Variants in ANKRD37 observed in about 807,000 individuals in gnomAD.
The protein encoded by ANKRD37 is ankyrin repeat domain-containing protein 37.
A neutral mutation model predicts 19.7 loss-of-function variants in ANKRD37; 17 were observed. That is an observed-to-expected ratio of 0.86 (90% CI 0.59 to 1.29). The LOEUF is 1.29. Among genes scored for constraint, ANKRD37 ranks in the 50% most tolerant of loss-of-function variants. The pLI, the probability that ANKRD37 is intolerant of heterozygous loss-of-function variation, is 0.00. For synonymous variants in ANKRD37, 79 were observed against 74.5 expected (o/e 1.06, Z -0.31); for missense variants, 207 against 190.4 (o/e 1.09, Z -0.51).
intron 3 of ANKRD37, among the ~76,000 whole-genome samples, chr4:185,399,297 T>C (rs1580041294): frequency 6.6e-6 from 1 of 152,316 alleles, no homozygotes; most frequent in East Asian, 1.9e-4. Flanking sequence ...AAACCCATTC[T>C]ATAGTTCCCA....
intron 4 of ANKRD37, 105 bp downstream of exon 4, chr4:185,399,878 GTTTCA>G: frequency 6.5e-7 from 1 of 1,547,890 alleles, no homozygotes; most frequent in Non-Finnish European, 8.7e-7. Context: ...TAGTAGTATT[GTTTCA>G]TTCTCATTAA....
intron 1 of ANKRD37, 92 bp from the exon 2 acceptor site, chr4:185,397,058 G>A: frequency 1.2e-6 from 2 of 1,610,584 alleles, no homozygotes; most frequent in Non-Finnish European, 1.7e-6. Flanking sequence ...CCTGGTCAGA[G>A]CTGGTTGTGA....
In ANKRD37 at chr4:185,397,188, G is replaced by T. The variant is rs757490519; in HGVS notation, c.66G>T (p.Ser22=). ...GLKHLLETGA[S]VNAPPDPCKQ... ...AGCATTTGCTGGAGACAGGGGCCTC[G>T]GTCAACGCACCCCCGGATCCCTGCA... Residue 22 remains serine, a synonymous_variant, in exon 2 of 5, where the codon TCG becomes TCT. Coordinates refer to ENST00000335174, the MANE Select transcript of ANKRD37 (RefSeq NM_181726.4). 1 of 1,613,816 alleles carries T rather than the reference G, an allele frequency of 6.2e-7. No individual in the cohort carries two copies. The highest frequency in any genetic ancestry group is 2.2e-5 in the East Asian group (1 of 44,876).
intron 2 of ANKRD37, 184 bp downstream of exon 2, chr4:185,397,486 A>G (rs547867139): frequency 5.0e-6 from 4 of 804,912 alleles, no homozygotes; most frequent in South Asian, 2.5e-5. Context: ...ATGTGAGGAC[A>G]TGAGAAATTT....
chr4:185,400,111 TCTC>T lies in ANKRD37; in HGVS notation c.*97_*99del, dbSNP rs1411538777. ...TGGCTTTACCATATGTTGTGTCTAATCTCCTTCTGAGAAGGACGAAAAACTTTC... is the reference window on the plus strand; with the variant it reads ...TGGCTTTACCATATGTTGTGTCTAATCTTCTGAGAAGGACGAAAAACTTTC... On this transcript the variant is annotated 3_prime_UTR_variant, in exon 5 of 5. Transcript: ENST00000335174. The T allele has an allele frequency of 4.1e-6, 5 of 1,223,604 alleles. No homozygotes were observed. The highest frequency in any genetic ancestry group is 1.5e-5 in the African/African-American group (1 of 65,420). 75.8% of individuals were successfully genotyped at this position (1,223,604 alleles called of 1,614,324 possible).
intron 3 of ANKRD37, among the ~76,000 whole-genome samples, chr4:185,399,290 C>T (rs1038442975): frequency 1.3e-5 from 2 of 152,098 alleles, no homozygotes; most frequent in Non-Finnish European, 2.9e-5. Flanking sequence ...TTCAGGAAAA[C>T]CCATTCTATA....
intron 2 of ANKRD37, among the ~76,000 whole-genome samples, chr4:185,398,119 G>A (rs1172200092): frequency 1.3e-5 from 2 of 151,916 alleles, no homozygotes; most frequent in African/African-American, 4.8e-5. Flanking sequence ...CACCGTGCCC[G>A]GCTAATTTGT....
intron 1 of ANKRD37, 34 bp from the exon 2 acceptor site, chr4:185,397,116 T>A (rs1232231727): frequency 1.7e-5 from 27 of 1,611,180 alleles, no homozygotes; most frequent in African/African-American, 2.7e-5. Flanking sequence ...TGGACAAAGG[T>A]GGGAAGGGTG....
At chr4:185,399,797 T>G (rs2095510994) in intron 4 of ANKRD37, 24 bp downstream of exon 4, 1 of 1,613,216 alleles carries the variant, frequency 6.2e-7, no homozygotes, top group Admixed American at 1.7e-5. Flanking sequence ...AGCTGCTGCT[T>G]TTTTCCTCCC....
chr4:185,397,350 C>T, intron 2 of ANKRD37, 48 bp downstream of exon 2: 1 of 1,586,370 alleles, frequency 6.3e-7, no homozygotes, highest in Non-Finnish European at 8.6e-7. Context: ...CCAACCCAGA[C>T]ACACACAAAC....
downstream of ANKRD37, chr4:185,400,371 A>G (rs746270480): frequency 5.8e-6 from 9 of 1,547,620 alleles, no homozygotes; most frequent in East Asian, 9.0e-5. Context: ...ACTCTACTGC[A>G]GTCTTTGACT....
chr4:185,399,592 A>G lies in ANKRD37; in HGVS notation c.295A>G (p.Thr99Ala). 6.2e-7 allele frequency: 1 copy of G among 1,614,204 alleles called. No individual in the cohort carries two copies. The highest frequency in any genetic ancestry group is 1.1e-5 in the South Asian group (1 of 91,086). ...QIDLCNKNGQ[T>A]AEDLAWSCGF... ...CAGTTTATGTAATAAGAACGGGCAA[A>G]CAGCTGAAGATCTCGCTTGGTCATG... The change falls in exon 4 of 5, where the codon ACA becomes GCA. Residue 99 changes from threonine (T) to alanine (A), a missense_variant. Transcript: ENST00000335174.
At chr4:185,397,627 TTC>T (rs2095506777) in intron 2 of ANKRD37, 3 of 269,408 alleles carry the variant, frequency 1.1e-5, no homozygotes, top group African/African-American at 4.5e-5. Context: ...CTTTCTTTTA[TTC>T]TGTCTTCACA....
chr4:185,399,649 A>G lies in ANKRD37; in HGVS notation c.352A>G (p.Thr118Ala). ...GFPDCAKFLT[T>A]IKCMQTIKAS... The stretch of plus-strand genomic sequence containing the variant: ...TCCAGACTGTGCCAAGTTTCTTACA[A>G]CAATTAAATGTATGCAGACAATAAA... Residue 118 changes from threonine to alanine, a missense_variant, in exon 4 of 5, where the codon ACA (threonine) becomes GCA (alanine). Coordinates refer to ENST00000335174, the MANE Select transcript of ANKRD37 (RefSeq NM_181726.4). The G allele has an allele frequency of 6.2e-7, 1 of 1,614,208 alleles. No individual in the cohort carries two copies. Among genetic ancestry groups the G allele is most frequent in the African/African-American group, 1.3e-5 (1 of 75,060 alleles).
intron 2 of ANKRD37, 84 bp downstream of exon 2, chr4:185,397,386 C>CA: frequency 6.6e-7 from 1 of 1,521,982 alleles, no homozygotes; most frequent in South Asian, 1.2e-5. Context: ...AGAGTTGTTT[C>CA]AGCTGTTAAA....
Position 185,397,298 on chromosome 4 carries a change from A to G in ANKRD37, c.176A>G (p.Gln59Arg). 6.2e-7 allele frequency: 1 copy of G among 1,613,854 alleles called. No individual in the cohort carries two copies. The highest frequency in any genetic ancestry group is 1.3e-5 in the African/African-American group (1 of 75,074). ...WQLQTGADLN[Q>R]QDVLGEAPLH... ...CTGCAAACGGGCGCTGACCTCAACC[A>G]GCAGGTAACTAGGTAACTGTTGCTG... The change falls in exon 2 of 5, where the codon CAG becomes CGG. Residue 59 changes from glutamine (Q) to arginine (R), a missense_variant. Gln to Arg is a conservative substitution (Grantham distance 43). Coordinates refer to ENST00000335174, the MANE Select transcript of ANKRD37 (RefSeq NM_181726.4).
Position 185,399,640 on chromosome 4 carries a change from T to C in ANKRD37, c.343T>C (p.Phe115Leu). Reference protein sequence around the residue: ...WSCGFPDCAKFLTTIKCMQTI... With the variant: ...WSCGFPDCAKLLTTIKCMQTI... Reference sequence around the variant, plus strand: ...ATGTGGATTTCCAGACTGTGCCAAGTTTCTTACAACAATTAAATGTATGCA... The same window carrying C: ...ATGTGGATTTCCAGACTGTGCCAAGCTTCTTACAACAATTAAATGTATGCA... Residue 115 changes from phenylalanine to leucine, a missense_variant, in exon 4 of 5, where the codon TTT becomes CTT. Phe to Leu is a conservative substitution (Grantham distance 22). Coordinates refer to ENST00000335174, the MANE Select transcript of ANKRD37 (RefSeq NM_181726.4). 1 of 1,614,200 alleles carries C rather than the reference T, an allele frequency of 6.2e-7. No homozygotes were observed. Among genetic ancestry groups the C allele is most frequent in the Non-Finnish European group, 8.5e-7 (1 of 1,180,024 alleles).
intron 3 of ANKRD37, 26 bp downstream of exon 3, chr4:185,399,054 A>G (rs2095509740): frequency 6.3e-7 from 1 of 1,594,970 alleles, no homozygotes; most frequent in Non-Finnish European, 8.6e-7. Context: ...GTGGCTTCAC[A>G]TTTTATGTTT....
At chr4:185,400,571 G>A, downstream of ANKRD37, 1 of 816,878 alleles carries the variant, frequency 1.2e-6, no homozygotes, top group Non-Finnish European at 2.0e-6. Flanking sequence ...GCAGGACCTT[G>A]GAATAAGACT....
Sources: gnomAD v4.1 joint callset for allele counts (sites outside exome capture counted in the v4.1 genomes callset) on GRCh38, gnomAD v4.1.1 for gene constraint, MANE v1.5 for transcripts, NCBI Gene and HGNC (gene_info 2026-07-23, HGNC 2026-07-21) for gene names.